ZDHHC21: variants seen among roughly 807,000 people sequenced by gnomAD.
ZDHHC21 encodes the protein zDHHC palmitoyltransferase 21.
A neutral mutation model predicts 34.6 loss-of-function variants in ZDHHC21; 15 were observed. The observed-to-expected ratio is 0.43, with a 90% CI of 0.29 to 0.67. The LOEUF (loss-of-function observed/expected upper bound fraction) is 0.67. Ranked by LOEUF, ZDHHC21 falls within the 30% of genes least tolerant of loss-of-function variation. The pLI is 0.14. For missense variants in ZDHHC21, 344 were observed against 327.7 expected, an observed-to-expected ratio of 1.05 and a Z score of -0.38; for synonymous variants, 142 against 101.8, an observed-to-expected ratio of 1.40 and a Z score of -2.38.
At chr9:14,639,375 G>A (rs1383981067) in intron 8 of ZDHHC21, among the ~76,000 whole-genome samples, 1 of 151,992 alleles carries the variant, frequency 6.6e-6, no homozygotes, top group Non-Finnish European at 1.5e-5. Flanking sequence ...TGGGTGGAGC[G>A]GGGGACGAAG....
Position 14,619,081 on chromosome 9 carries a change from G to A in ZDHHC21, c.683C>T (p.Pro228Leu). The A allele has an allele frequency of 5.6e-6, 9 of 1,610,186 alleles. No individual in the cohort carries two copies. The highest frequency in any genetic ancestry group is 1.3e-5 in the African/African-American group (1 of 74,754). ...CCEDISRPRK[P>L]WQQTFSEVFG... ...AACTTCTGAGAAGGTCTGCTGCCAT[G>A]GCTTTCGGGGCCTCGATCTACAGAA... The change falls in exon 10 of 10, where the codon CCA (proline) becomes CTA (leucine). Residue 228 changes from proline (P) to leucine (L), a missense_variant. Physicochemically the swap from Pro to Leu is moderately conservative, Grantham distance 98 (BLOSUM62 -3). Transcript: ENST00000380916.
At chr9:14,629,560 G>C (rs1826942974) in intron 8 of ZDHHC21, among the ~76,000 whole-genome samples, 1 of 152,130 alleles carries the variant, frequency 6.6e-6, no homozygotes, top group South Asian at 2.1e-4. Flanking sequence ...TATACTCTAT[G>C]AAGTGTACAA....
chr9:14,646,910 G>A (rs1830362934), intron 7 of ZDHHC21, among the ~76,000 whole-genome samples: 1 of 151,968 alleles, frequency 6.6e-6, no homozygotes, highest in Admixed American at 6.6e-5. Context: ...ACTTTTGCCT[G>A]TCTTGTTCAA....
Position 14,617,896 on chromosome 9 carries a change from G to A in ZDHHC21, c.*1070C>T, listed in dbSNP as rs536558445. 1.3e-4 allele frequency: 20 copies of A among 151,986 alleles called. No homozygotes were observed. The highest frequency in any genetic ancestry group is 3.6e-4 in the African/African-American group (15 of 41,516). 9.4% of individuals were successfully genotyped at this position (151,986 alleles called of 1,614,324 possible). A position where few individuals can be genotyped will look rare whatever the true frequency, so the allele number is the denominator to read the frequency against. Reference sequence around the variant, plus strand: ...GGGATTATAGGTACACAAAGTTAGTGACTTTTTTTAGTAGTAGCTTCCTAT... The same window carrying A: ...GGGATTATAGGTACACAAAGTTAGTAACTTTTTTTAGTAGTAGCTTCCTAT... On this transcript the variant is annotated 3_prime_UTR_variant, in exon 10 of 10. Transcript: ENST00000380916.
At chr9:14,644,222 A>G (rs1829891925) in intron 7 of ZDHHC21, among the ~76,000 whole-genome samples, 1 of 152,182 alleles carries the variant, frequency 6.6e-6, no homozygotes, top group African/African-American at 2.4e-5. Flanking sequence ...GATTTTTAAA[A>G]ATATTGTTTC....
intron 5 of ZDHHC21, among the ~76,000 whole-genome samples, chr9:14,671,246 C>T (rs1835387480): frequency 6.6e-6 from 1 of 151,992 alleles, no homozygotes; most frequent in Non-Finnish European, 1.5e-5. Context: ...GTTTGTTTGA[C>T]CCTCAGAAAG....
intron 7 of ZDHHC21, among the ~76,000 whole-genome samples, chr9:14,641,054 C>T (rs532962710): frequency 6.6e-6 from 1 of 152,262 alleles, no homozygotes; most frequent in South Asian, 2.1e-4. Flanking sequence ...CAACCACCCA[C>T]ATGCTTTCTT....
chr9:14,625,897 C>T (rs1157497064), intron 8 of ZDHHC21, among the ~76,000 whole-genome samples: 1 of 151,830 alleles, frequency 6.6e-6, no homozygotes, highest in Non-Finnish European at 1.5e-5. Flanking sequence ...TACCAAGTAT[C>T]TATTATGACA....
intron 5 of ZDHHC21, among the ~76,000 whole-genome samples, chr9:14,671,106 T>C (rs976892832): frequency 2.0e-5 from 3 of 151,952 alleles, no homozygotes; most frequent in East Asian, 1.9e-4. Flanking sequence ...AAAATCAAAA[T>C]ATAAAACAAA....
rs1823951115 is a variant in ZDHHC21 at position 14,615,157 on chromosome 9, T to A, written c.*3809A>T. The A allele has an allele frequency of 6.6e-6, 1 of 151,774 alleles. No individual in the cohort carries two copies. The highest frequency in any genetic ancestry group is 2.4e-5 in the African/African-American group (1 of 41,412). 9.4% of individuals were successfully genotyped at this position (151,774 alleles called of 1,614,324 possible). A position where few individuals can be genotyped will look rare whatever the true frequency, so the allele number is the denominator to read the frequency against. ...GAAAATTGTGTAGCTATAATCTAAATCAGTTCACACTTCCTGGTTTGAAGT... is the reference window on the plus strand; with the variant it reads ...GAAAATTGTGTAGCTATAATCTAAAACAGTTCACACTTCCTGGTTTGAAGT... On this transcript the variant is annotated 3_prime_UTR_variant, in exon 10 of 10. Transcript: ENST00000380916.
At chr9:14,622,460 T>G in intron 8 of ZDHHC21, 1 of 908,752 alleles carries the variant, frequency 1.1e-6, no homozygotes, top group Non-Finnish European at 1.3e-6. Context: ...TCTCTTGGCT[T>G]GATGTTAGGA....
At position 14,638,352 on chromosome 9, in the gene ZDHHC21, C is replaced by T. The variant is rs28837416; in HGVS notation, c.621+1544G>A. Among the ~76,000 whole-genome samples, 976 of 151,888 alleles carry T rather than the reference C, an allele frequency of 6.4e-3. 14 individuals are homozygous for T. The highest frequency in any genetic ancestry group is 0.022 in the African/African-American group (922 of 41,496). The stretch of plus-strand genomic sequence containing the variant: ...ATATCCATATGCATAAGAATGAAGA[C>T]GGAAACTGGACCCCATTTCTCACCA... On this transcript the variant is annotated intron_variant, in intron 8 of 9. Transcript: ENST00000380916.
chr9:14,644,645 T>C (rs1375214312), intron 7 of ZDHHC21, among the ~76,000 whole-genome samples: 2 of 152,068 alleles, frequency 1.3e-5, no homozygotes, highest in African/African-American at 4.8e-5. Flanking sequence ...ATGCTCTATT[T>C]GAATTTTTTT....
Position 14,627,822 on chromosome 9 carries a change from A to T in ZDHHC21, c.622-8140T>A, listed in dbSNP as rs534969629. Among the ~76,000 whole-genome samples, 3 of 152,308 alleles carry T rather than the reference A, an allele frequency of 2.0e-5. No individual in the cohort carries two copies. The South Asian group carries it at 6.2e-4, about 32-fold the overall frequency. ...CCCAGCACTATTAGTATTGGTGCTC[A>T]TCAGAATGGACATTATTGTTGGCTA... On this transcript the variant is annotated intron_variant, in intron 8 of 9. Transcript: ENST00000380916.
intron 7 of ZDHHC21, among the ~76,000 whole-genome samples, chr9:14,655,498 CTTG>C (rs1217887565): frequency 1.3e-5 from 2 of 151,814 alleles, no homozygotes; most frequent in African/African-American, 2.4e-5. Context: ...ACAATAATGT[CTTG>C]TTATCATGTG....
chr9:14,667,800 A>G (rs200238715), intron 5 of ZDHHC21, among the ~76,000 whole-genome samples: 6,683 of 37,634 alleles, frequency 0.18, 712 homozygotes, highest in East Asian at 0.24. Flanking sequence ...AAATTCAACA[A>G]CCCTTCATGC....
chr9:14,603,738 A>C, the ZDHHC21 span, among the ~76,000 whole-genome samples: 1 of 152,188 alleles, frequency 6.6e-6, no homozygotes, highest in East Asian at 1.9e-4. Flanking sequence ...TACCTGTGAA[A>C]TATTTAGAAA....
Position 14,662,240 on chromosome 9 carries a change from TCACA to T in ZDHHC21, c.336_339del (p.Cys112Ter). On this transcript the variant is annotated frameshift_variant, in exon 6 of 10. Transcript: ENST00000380916. LOFTEE classifies it high-confidence loss of function. ...CATGGACAGTGATGATCCATTCTCC[TCACA>T]CAGTGGCCGCAGCGGCTACAGTGAT... 6.2e-7 allele frequency: 1 copy of T among 1,612,564 alleles called. No individual in the cohort carries two copies. The highest frequency in any genetic ancestry group is 1.1e-5 in the South Asian group (1 of 90,804).
intron 1 of ZDHHC21, among the ~76,000 whole-genome samples, chr9:14,691,771 T>C (rs560460093): frequency 1.6e-3 from 239 of 152,356 alleles, no homozygotes; most frequent in African/African-American, 5.4e-3. Context: ...GGAAGAGTAC[T>C]ACACCAAAAC....
Sources: gnomAD v4.1 joint callset for allele counts (sites outside exome capture counted in the v4.1 genomes callset) on GRCh38, gnomAD v4.1.1 for gene constraint, MANE v1.5 for transcripts, NCBI Gene and HGNC (gene_info 2026-07-23, HGNC 2026-07-21) for gene names.